Variants in PIR observed in about 807,000 individuals in gnomAD.
PIR encodes the protein pirin.
Under a neutral mutation model 24.2 loss-of-function variants are expected in PIR, and 22 were observed. That is an observed-to-expected ratio of 0.91 (90% CI 0.65 to 1.30). The LOEUF (loss-of-function observed/expected upper bound fraction) is 1.30. Among genes scored for constraint, PIR ranks in the 50% most tolerant of loss-of-function variants. PIR has a pLI of 0.00. For synonymous variants in PIR, 80 were observed against 79.6 expected, an observed-to-expected ratio of 1.00 and a Z score of -0.03; for missense variants, 220 against 220.3, an observed-to-expected ratio of 1.00 and a Z score of 0.01.
intron 3 of PIR, among the ~76,000 whole-genome samples, chrX:15,473,838 A>C (rs764145990): frequency 8.9e-6 from 1 of 112,773 alleles, no homozygotes; most frequent in African/African-American, 3.2e-5. Context: ...TACAGGCGTG[A>C]GCCACCGCGC....
At chrX:15,423,615 T>TAA (rs151069667) in intron 6 of PIR, among the ~76,000 whole-genome samples, 5,583 of 103,082 alleles carry the variant, frequency 0.054, 388 homozygotes, top group African/African-American at 0.18. Flanking sequence ...GACTCTGTCT[T>TAA]AAAAAAAAAA....
intron 5 of PIR, among the ~76,000 whole-genome samples, chrX:15,445,695 C>G (rs758711530): frequency 1.8e-5 from 2 of 111,132 alleles, no homozygotes; most frequent in East Asian, 2.8e-4. Context: ...ACAAAAGACT[C>G]CATTAGATGG....
intron 4 of PIR, among the ~76,000 whole-genome samples, 172 bp downstream of exon 4, chrX:15,459,485 T>G (rs571683515): frequency 8.0e-5 from 9 of 111,959 alleles, no homozygotes; most frequent in Non-Finnish European, 1.5e-4. Context: ...GAAAGAAGAA[T>G]ATAAGAGACC....
At chrX:15,433,562 G>GAA (rs1320609151) in intron 5 of PIR, among the ~76,000 whole-genome samples, 8 of 88,737 alleles carry the variant, frequency 9.0e-5, no homozygotes, top group East Asian at 3.5e-4. Flanking sequence ...AAGAAAGAAA[G>GAA]AGAGAGAAAG....
intron 5 of PIR, among the ~76,000 whole-genome samples, chrX:15,448,575 G>A (rs1280705157): frequency 1.8e-5 from 2 of 112,033 alleles, no homozygotes; most frequent in East Asian, 2.8e-4. Context: ...TACAACAAAC[G>A]TTGGCCTTAG....
intron 8 of PIR, among the ~76,000 whole-genome samples, chrX:15,392,869 T>A (rs1313278382): frequency 8.9e-6 from 1 of 112,394 alleles, no homozygotes; most frequent in Admixed American, 9.5e-5. Flanking sequence ...TAACTTGCCT[T>A]CTTTGGTGAA....
At chrX:15,491,441 G>A (rs1008018322) in intron 1 of PIR, 132 bp from the exon 2 acceptor site, 65 of 374,312 alleles carry the variant, frequency 1.7e-4, no homozygotes, top group African/African-American at 1.6e-3. Flanking sequence ...ACTATGTGCA[G>A]GGCCTGGGTT....
intron 2 of PIR, among the ~76,000 whole-genome samples, chrX:15,480,824 T>A (rs1922463426): frequency 8.9e-6 from 1 of 112,743 alleles, no homozygotes; most frequent in African/African-American, 3.2e-5. Flanking sequence ...AAGTCCTAAA[T>A]GAGTTTGGAT....
chrX:15,445,417 G>A (rs964819891), intron 5 of PIR, among the ~76,000 whole-genome samples: 2 of 110,812 alleles, frequency 1.8e-5, no homozygotes, highest in Non-Finnish European at 3.8e-5. Flanking sequence ...GATAGCATTA[G>A]GAGAAATACC....
chrX:15,397,563 C>A, intron 7 of PIR, 32 bp from the exon 8 acceptor site: 2 of 964,101 alleles, frequency 2.1e-6, no homozygotes, highest in Non-Finnish European at 3.0e-6. Context: ...AATTTAATAC[C>A]CATTATAGTA....
rs1924718310 is a variant in PIR, at chrX:15,410,774, A to G, written c.566-3224T>C. ...AGTAATAACACAACTCATGTTGCTG[A>G]TTGGAAAGCACAGAGTGTTAGAGGG... On this transcript the variant is annotated intron_variant, in intron 6 of 9. Coordinates refer to ENST00000380420, the MANE Select transcript of PIR (RefSeq NM_001018109.3). 2.7e-5 allele frequency among the ~76,000 whole-genome samples: 3 copies of G among 112,344 alleles called. No homozygotes were observed. The South Asian group carries it at 1.1e-3, about 42-fold the overall frequency.
chrX:15,478,411 G>A (rs1280378236), intron 3 of PIR: 3 of 112,331 alleles, frequency 2.7e-5, no homozygotes, highest in Non-Finnish European at 5.6e-5. Context: ...TAGTAAGGTG[G>A]TAAGTGGAGC....
Position 15,481,959 on chromosome X carries a change from G to A in PIR, c.97-2138C>T, listed in dbSNP as rs541249756. Among the ~76,000 whole-genome samples, 37 of 111,616 alleles carry A rather than the reference G, an allele frequency of 3.3e-4. No individual in the cohort carries two copies. The South Asian group carries it at 0.013, about 40-fold the overall frequency. ...CAGCGGCCACTATGGAGGGCATTAT[G>A]TTCTCATAGCCAAGGTCAGGAGCAA... On this transcript the variant is annotated intron_variant, in intron 2 of 9. Transcript: ENST00000380420.
At chrX:15,426,108 A>C in intron 5 of PIR, 118 bp from the exon 6 acceptor site, 4 of 461,965 alleles carry the variant, frequency 8.7e-6, no homozygotes, top group Non-Finnish European at 1.5e-5. Context: ...AGTTCCTCCT[A>C]GGGAAGTGTT....
chrX:15,459,520 A>G, intron 4 of PIR, 137 bp downstream of exon 4: 1 of 426,687 alleles, frequency 2.3e-6, no homozygotes, highest in South Asian at 4.6e-5. Flanking sequence ...GCTGAGTAAA[A>G]GAATCTGTAG....
intron 5 of PIR, among the ~76,000 whole-genome samples, chrX:15,441,678 G>T (rs1290759771): frequency 9.0e-6 from 1 of 111,546 alleles, no homozygotes; most frequent in Non-Finnish European, 1.9e-5. Context: ...TGAGGATGAG[G>T]GGGAGGCAGG....
intron 9 of PIR, among the ~76,000 whole-genome samples, chrX:15,386,048 C>A (rs1049133286): frequency 1.3e-4 from 15 of 111,834 alleles, no homozygotes; most frequent in Non-Finnish European, 2.4e-4. Context: ...ACAAGGCCAG[C>A]TTTTATATGG....
chrX:15,489,843 T>C (rs1266004993), intron 2 of PIR, among the ~76,000 whole-genome samples: 1 of 111,536 alleles, frequency 9.0e-6, no homozygotes, highest in African/African-American at 3.3e-5. Flanking sequence ...TACTGCATGA[T>C]CTCACTCATA....
At chrX:15,451,309 C>G (rs773276812) in intron 5 of PIR, among the ~76,000 whole-genome samples, 53 of 110,181 alleles carry the variant, frequency 4.8e-4, no homozygotes, top group African/African-American at 1.7e-3. Context: ...AGGGGAACCA[C>G]AAGCCTCTGA....
Sources: gnomAD v4.1 joint callset for allele counts (sites outside exome capture counted in the v4.1 genomes callset) on GRCh38, gnomAD v4.1.1 for gene constraint, MANE v1.5 for transcripts, NCBI Gene and HGNC (gene_info 2026-07-23, HGNC 2026-07-21) for gene names.